The following PIEZO2 variants were observed in gnomAD, a reference collection of about 807,000 sequenced individuals.
The protein encoded by PIEZO2 is piezo-type mechanosensitive ion channel component 2.
Under a neutral mutation model 337.3 loss-of-function variants are expected in PIEZO2, and 172 were observed. That is an observed-to-expected ratio of 0.51 (90% CI 0.45 to 0.58). PIEZO2 has a LOEUF of 0.58. Ranked by LOEUF, PIEZO2 falls within the 20% of genes least tolerant of loss-of-function variation. PIEZO2 has a pLI of 0.00. For missense variants in PIEZO2, 3,028 were observed against 3,391.3 expected (o/e 0.89, Z 2.66); for synonymous variants, 1,251 against 1,228.5 (o/e 1.02, Z -0.38).
intron 3 of PIEZO2, among the ~76,000 whole-genome samples, chr18:10,919,991 T>C (rs11080470): frequency 0.31 from 46,742 of 152,018 alleles, 7,412 homozygotes; most frequent in African/African-American, 0.34. Context: ...GTGTTGTATG[T>C]GTATGTCTCC....
intron 7 of PIEZO2, among the ~76,000 whole-genome samples, chr18:10,849,606 G>A (rs2041477414): frequency 6.6e-6 from 1 of 152,076 alleles, no homozygotes; most frequent in Non-Finnish European, 1.5e-5. Flanking sequence ...AACCGTAAAC[G>A]GGGCCAGCCC....
intron 4 of PIEZO2, among the ~76,000 whole-genome samples, chr18:10,885,727 C>A (rs747222490): frequency 1.3e-5 from 2 of 152,122 alleles, no homozygotes; most frequent in Non-Finnish European, 2.9e-5. Context: ...GAACATAAGG[C>A]AAGTTATTTC....
rs11283859 is a variant in PIEZO2, at chr18:10,682,775, T to TTGTATCATGTTGTCCGACACC, written c.7498-484_7498-483insGGTGTCGGACAACATGATACA. ...TTAATTTAATTCATGACACGTGTTG[T>TTGTATCATGTTGTCCGACACC]TAAAGACAATGTTGTTCGACACCTA... On this transcript the variant is annotated intron_variant, in intron 49 of 55. Coordinates refer to ENST00000674853, the MANE Select transcript of PIEZO2 (RefSeq NM_001378183.1). This position sits in a 1 kb window ranked among gnomAD's most constrained non-coding sequence, Gnocchi z 5.6. Among the ~76,000 whole-genome samples the TTGTATCATGTTGTCCGACACC allele has an allele frequency of 6.6e-6, 1 of 151,948 alleles. No homozygotes were observed. Among genetic ancestry groups the TTGTATCATGTTGTCCGACACC allele is most frequent in the Non-Finnish European group, 1.5e-5 (1 of 67,970 alleles).
chr18:11,007,858 T>A lies in PIEZO2; in HGVS notation c.161-28198A>T, dbSNP rs529888270. ...CAGAAGGATTTACAGCCAAAAGGAA[T>A]GCTAAAAGTTCTTCAGGAAGGAAAA... On this transcript the variant is annotated intron_variant, in intron 2 of 55. Transcript: ENST00000674853. Among the ~76,000 whole-genome samples the A allele has an allele frequency of 1.4e-4, 22 of 152,280 alleles. No homozygotes were observed. In the East Asian group the frequency reaches 4.2e-3, roughly 29 times the overall value.
At chr18:10,764,029 T>A (rs1169962222) in intron 21 of PIEZO2, among the ~76,000 whole-genome samples, 2 of 152,112 alleles carry the variant, frequency 1.3e-5, no homozygotes, top group Non-Finnish European at 1.5e-5. Context: ...AGCAGCAAGG[T>A]TATGAACTCA....
Position 10,846,308 on chromosome 18 carries a change from T to C in PIEZO2, c.917+9045A>G, listed in dbSNP as rs571446206. Among the ~76,000 whole-genome samples, 1 of 152,128 alleles carries C rather than the reference T, an allele frequency of 6.6e-6. No individual in the cohort carries two copies. The highest frequency in any genetic ancestry group is 2.4e-5 in the African/African-American group (1 of 41,418). ...CTCCCGTTTTTTAAAACCATCAGAT[T>C]TGTGAGACTCATTCACTATCACCAG... On this transcript the variant is annotated intron_variant, in intron 7 of 55. Transcript: ENST00000674853. This position sits in a 1 kb window ranked among gnomAD's most constrained non-coding sequence, Gnocchi z 4.1.
At chr18:11,057,968 C>G (rs2037790986) in intron 2 of PIEZO2, among the ~76,000 whole-genome samples, 1 of 152,238 alleles carries the variant, frequency 6.6e-6, no homozygotes, top group Non-Finnish European at 1.5e-5. Context: ...TCTAATAATA[C>G]TCAGATATTC....
chr18:10,969,333 T>G lies in PIEZO2; in HGVS notation c.286+10202A>C, dbSNP rs537395894. 1.4e-3 allele frequency among the ~76,000 whole-genome samples: 206 copies of G among 152,288 alleles called. No individual in the cohort carries two copies. The highest frequency in any genetic ancestry group is 2.3e-3 in the Non-Finnish European group (159 of 68,032). ...AAACCAAATCAATCCCAAATCATTT[T>G]AAACTTCCTGCTCTGTGATTTGTCT... On this transcript the variant is annotated intron_variant, in intron 3 of 55. Coordinates refer to ENST00000674853, the MANE Select transcript of PIEZO2 (RefSeq NM_001378183.1). This position sits in a 1 kb window ranked among gnomAD's most constrained non-coding sequence, Gnocchi z 4.5.
In PIEZO2 at chr18:10,993,836, C is replaced by CT. The variant is rs575577964; in HGVS notation, c.161-14177dup. On this transcript the variant is annotated intron_variant, in intron 2 of 55. Transcript: ENST00000674853. The surrounding 1 kb of genome is among the most constrained non-coding windows in gnomAD (Gnocchi z 5.0). ...GCCACCGCTCCTGGCCATGTCTCTG[C>CT]TTTTTTTTTATTATTAATTTTAAAA... 0.017 allele frequency among the ~76,000 whole-genome samples: 2,620 copies of CT among 151,260 alleles called. 82 individuals are homozygous for CT. Among genetic ancestry groups the CT allele is most frequent in the African/African-American group, 0.06 (2,458 of 41,274 alleles).
chr18:10,685,466 TA>T (rs1310356709), intron 49 of PIEZO2, among the ~76,000 whole-genome samples: 1 of 152,172 alleles, frequency 6.6e-6, no homozygotes, highest in Non-Finnish European at 1.5e-5. Context: ...TTCTTTAAAA[TA>T]AAAAGGTAAT....
At chr18:10,947,981 A>G (rs1264495528) in intron 3 of PIEZO2, among the ~76,000 whole-genome samples, 1 of 152,144 alleles carries the variant, frequency 6.6e-6, no homozygotes, top group Non-Finnish European at 1.5e-5. Flanking sequence ...ATGAAATTTA[A>G]AAGCACACAT....
In PIEZO2 at chr18:10,982,416, AT is replaced by A. The variant is rs113814661; in HGVS notation, c.161-2757del. ...ATAATAGGTATAAATAAGTGAAGAG[AT>A]CTGTTACATGCATGAATGAGGTGAC... On this transcript the variant is annotated intron_variant, in intron 2 of 55. Transcript: ENST00000674853. The surrounding 1 kb of genome is among the most constrained non-coding windows in gnomAD (Gnocchi z 4.1). 3.1e-4 allele frequency among the ~76,000 whole-genome samples: 47 copies of A among 152,284 alleles called. No homozygotes were observed. The highest frequency in any genetic ancestry group is 1.1e-3 in the African/African-American group (45 of 41,580).
intron 1 of PIEZO2, among the ~76,000 whole-genome samples, chr18:11,095,609 C>T (rs2039239448): frequency 6.6e-6 from 1 of 152,174 alleles, no homozygotes; most frequent in Non-Finnish European, 1.5e-5. Context: ...TCATCTAACA[C>T]TAGTGAAAAT....
At chr18:10,756,510 A>C (rs1268374421) in intron 27 of PIEZO2, among the ~76,000 whole-genome samples, 7 of 146,636 alleles carry the variant, frequency 4.8e-5, no homozygotes, top group African/African-American at 1.8e-4. Context: ...GAAATGGAGG[A>C]TGAGGAGGAA....
chr18:10,876,477 C>T (rs2042271758), intron 4 of PIEZO2, among the ~76,000 whole-genome samples: 1 of 152,146 alleles, frequency 6.6e-6, no homozygotes, highest in Non-Finnish European at 1.5e-5. Flanking sequence ...GGAAACTATA[C>T]TAATGTACAT....
rs1411568536 is a variant in PIEZO2 at position 10,731,201 on chromosome 18, A to G, written c.5029+206T>C. On this transcript the variant is annotated intron_variant, in intron 36 of 55. Transcript: ENST00000674853. ...ATTATATATATATATATATATATAT[A>G]TATATATATATATATATCTCCTAAC... Among the ~76,000 whole-genome samples, 41 of 63,148 alleles carry G rather than the reference A, an allele frequency of 6.5e-4. 1 individual carries two copies. The highest frequency in any genetic ancestry group is 3.7e-3 in the African/African-American group (40 of 10,810). 41.4% of individuals were successfully genotyped at this position (63,148 alleles called of 152,430 possible). A position where few individuals can be genotyped will look rare whatever the true frequency, so the allele number is the denominator to read the frequency against.
chr18:11,047,735 TAAGAGTATGGCTTTGACA>T lies in PIEZO2; in HGVS notation c.160+18374_160+18391del, dbSNP rs2037369896. 6.6e-6 allele frequency among the ~76,000 whole-genome samples: 1 copy of T among 152,012 alleles called. No individual in the cohort carries two copies. The highest frequency in any genetic ancestry group is 6.5e-5 in the Admixed American group (1 of 15,270). ...AGTTAGGGCCTTTCTCCACAACAACTAAGAGTATGGCTTTGACAGGTGTCCCTGCATCTTAAAAGAGCA... is the reference window on the plus strand; with the variant it reads ...AGTTAGGGCCTTTCTCCACAACAACTGGTGTCCCTGCATCTTAAAAGAGCA... On this transcript the variant is annotated intron_variant, in intron 2 of 55. Coordinates refer to ENST00000674853, the MANE Select transcript of PIEZO2 (RefSeq NM_001378183.1). This position sits in a 1 kb window ranked among gnomAD's most constrained non-coding sequence, Gnocchi z 7.2.
intron 7 of PIEZO2, among the ~76,000 whole-genome samples, chr18:10,841,001 T>C (rs1474706758): frequency 6.6e-6 from 1 of 152,210 alleles, no homozygotes; most frequent in Non-Finnish European, 1.5e-5. Flanking sequence ...CCTCAATGTG[T>C]TTGCCAGCAT....
rs2037264674 is a variant in PIEZO2, at chr18:10,742,531, G to A, written c.4599C>T (p.Gly1533=). 5 of 1,536,960 alleles carry A rather than the reference G, an allele frequency of 3.3e-6. No homozygotes were observed. Among genetic ancestry groups the A allele is most frequent in the Non-Finnish European group, 4.4e-6 (5 of 1,146,886 alleles). ...CTTCAGAGAGTTTTTGCATGTCCTG[G>A]CCTTCCCCTGGCTCCTGGGTCAAGC... The part of the protein sequence containing the change: ...MLSLTQEPGE[G]QDMQKLSEED... Residue 1533 remains glycine (G), a synonymous_variant, in exon 32 of 56, where the codon GGC becomes GGT. Transcript: ENST00000674853.
Sources: gnomAD v4.1 joint callset for allele counts (sites outside exome capture counted in the v4.1 genomes callset) on GRCh38, gnomAD v4.1.1 for gene constraint, Gnocchi (gnomAD v3.1) non-coding constraint, MANE v1.5 for transcripts, NCBI Gene and HGNC (gene_info 2026-07-23, HGNC 2026-07-21) for gene names.